Variants in JCAD observed in about 807,000 individuals in gnomAD.
JCAD encodes the protein junctional cadherin 5-associated protein.
JCAD carries 40 observed loss-of-function variants against 98.0 expected under a neutral mutation model. That is an observed-to-expected ratio of 0.41 (90% confidence interval 0.32 to 0.53). The LOEUF (loss-of-function observed/expected upper bound fraction) is 0.53, where lower values mean the gene tolerates loss of function less well. JCAD is among the 20% of genes least tolerant of loss of function. The probability of loss-of-function intolerance (pLI) is 0.31; values close to 1 mark genes in which losing one functional copy is unlikely to be tolerated. For synonymous variants in JCAD, 691 were observed against 682.3 expected (o/e 1.01, Z -0.20); for missense variants, 1,705 against 1,738.1 (o/e 0.98, Z 0.34).
In JCAD at chr10:30,029,274, G is replaced by C; in HGVS notation, c.874C>G (p.Pro292Ala). The change falls in exon 3 of 4, where the codon CCC (proline) becomes GCC (alanine). Residue 292 changes from proline (P) to alanine (A), a missense_variant. By Grantham distance (27) the Pro-to-Ala change is conservative. This residue lies in a region of JCAD where 275 missense variants were observed against 346.9 expected (regional missense o/e 0.79). Transcript: ENST00000375377. ...APFPRPKFGR[P>A]LKPPSYSSHQ... is the part of the protein sequence containing the mutation. ...GAGCTGTAAGATGGGGGCTTGAGGG[G>C]CCTCCCAAACTTAGGCCGGGGAAAT... is the stretch of plus-strand genomic sequence containing the variant. The C allele has an allele frequency of 6.2e-7, 1 of 1,614,130 alleles. No individual in the cohort carries two copies. The highest frequency in any genetic ancestry group is 8.5e-7 in the Non-Finnish European group (1 of 1,180,024).
intron 2 of JCAD, among the ~76,000 whole-genome samples, chr10:30,032,210 G>T (rs973030029): frequency 2.6e-5 from 4 of 152,150 alleles, no homozygotes; most frequent in African/African-American, 7.2e-5. Context: ...CAAATGCAGG[G>T]TGTTGTTCAC....
chr10:30,051,216 G>A (rs531250180), intron 1 of JCAD, among the ~76,000 whole-genome samples: 12 of 151,886 alleles, frequency 7.9e-5, no homozygotes, highest in Non-Finnish European at 1.6e-4. Context: ...TTATTCTCTA[G>A]GAGCAGAATG....
At position 30,082,869 on chromosome 10, in the gene JCAD, AAAAAAAAAC is replaced by A. The variant is rs1248866304; in HGVS notation, n.129-13057_129-13049del. ...TCTGTCTCAAAAAAAAAAAAAAAAA[AAAAAAAAAC>A]AAAAAATTAGCTGGGTGTGGTGGCA... On this transcript the variant is annotated intron_variant and non_coding_transcript_variant, in intron 1 of 2. Coordinates refer to the JCAD transcript ENST00000465712. Among the ~76,000 whole-genome samples the A allele has an allele frequency of 1.1e-3, 156 of 144,650 alleles. 1 individual carries two copies. The highest frequency in any genetic ancestry group is 3.6e-3 in the African/African-American group (135 of 37,434). The allele number at this position is 144,650 out of a possible 152,430, so 94.9% of individuals were successfully genotyped here.
chr10:30,102,187 G>A (rs1194441048), intron 1 of JCAD, among the ~76,000 whole-genome samples: 1 of 151,334 alleles, frequency 6.6e-6, no homozygotes, highest in East Asian at 1.9e-4. Context: ...TTCTTTTTTT[G>A]AGACAAACTC....
intron 2 of JCAD, among the ~76,000 whole-genome samples, chr10:30,039,823 G>A (rs749353175): frequency 2.0e-5 from 3 of 151,936 alleles, no homozygotes; most frequent in Non-Finnish European, 4.4e-5. Context: ...CCAGTGGAAC[G>A]CTGTCGGCAG....
rs1291903566 is a variant in JCAD at position 30,081,509 on chromosome 10, G to A, written n.129-11688C>T. Among the ~76,000 whole-genome samples, 4 of 152,172 alleles carry A rather than the reference G, an allele frequency of 2.6e-5. 1 individual carries two copies. The highest frequency in any genetic ancestry group is 6.5e-5 in the Admixed American group (1 of 15,282). On this transcript the variant is annotated intron_variant and non_coding_transcript_variant, in intron 1 of 2. Coordinates refer to the JCAD transcript ENST00000465712. The stretch of plus-strand genomic sequence containing the variant: ...TGCAGTGGCGTGATCTATGCTCACT[G>A]CAATCTCCGCCTCCCTGGTTCAAGC...
At chr10:30,075,389 T>G (rs1837964899) in intron 1 of JCAD, among the ~76,000 whole-genome samples, 1 of 152,242 alleles carries the variant, frequency 6.6e-6, no homozygotes, top group Non-Finnish European at 1.5e-5. Context: ...CTCTTCTCAT[T>G]AAACCCGTAG....
intron 2 of JCAD, among the ~76,000 whole-genome samples, chr10:30,039,818 G>A (rs1162819489): frequency 6.6e-6 from 1 of 152,008 alleles, no homozygotes; most frequent in East Asian, 1.9e-4. Context: ...GCTGTCCAGT[G>A]GAACGCTGTC....
At chr10:30,031,801 C>A (rs1278108053) in intron 2 of JCAD, among the ~76,000 whole-genome samples, 1 of 123,240 alleles carries the variant, frequency 8.1e-6, no homozygotes, top group Non-Finnish European at 1.6e-5. Context: ...GTCGCCCAGG[C>A]TGGAGTGCAG....
rs1296243430 is a variant in JCAD, at chr10:30,027,522, G to C, written c.2626C>G (p.Gln876Glu). 6.2e-7 allele frequency: 1 copy of C among 1,612,148 alleles called. No homozygotes were observed. Among genetic ancestry groups the C allele is most frequent in the Non-Finnish European group, 8.5e-7 (1 of 1,180,050 alleles). ...TTTCCGCGGAAGCCCACATCCTCCT[G>C]TCTGCAGTGAGCACGGTTCTCCTGC... Reference protein sequence around the residue: ...PQQENRAHCRQEDVGFRGNSP... With the variant: ...PQQENRAHCREEDVGFRGNSP... The change falls in exon 3 of 4, where the codon CAG becomes GAG. Residue 876 changes from glutamine to glutamate, a missense_variant. Gln to Glu is a conservative substitution (Grantham distance 29). This residue lies in a region of JCAD where 1,278 missense variants were observed against 1,243.1 expected (regional missense o/e 1.03). Transcript: ENST00000375377.
At chr10:30,051,812 G>A (rs975219090) in intron 1 of JCAD, among the ~76,000 whole-genome samples, 3 of 152,170 alleles carry the variant, frequency 2.0e-5, no homozygotes, top group Non-Finnish European at 2.9e-5. Flanking sequence ...AATAATAAGA[G>A]TAATTTTCAG....
At position 30,059,285 on chromosome 10, in the gene JCAD, C is replaced by A. The variant is rs1304691963; in HGVS notation, c.-60+197G>T. Among the ~76,000 whole-genome samples, 4 of 151,218 alleles carry A rather than the reference C, an allele frequency of 2.6e-5. No homozygotes were observed. Among genetic ancestry groups the A allele is most frequent in the African/African-American group, 7.3e-5 (3 of 41,296 alleles). ...TCCACCCCGAGGCTGCCGGGCTAGG[C>A]ACCGCGCGGGGGGCCCAGGCGGGGC... is the stretch of plus-strand genomic sequence containing the variant. On this transcript the variant is annotated intron_variant, in intron 1 of 3. Coordinates refer to ENST00000375377, the MANE Select transcript of JCAD (RefSeq NM_020848.4). The surrounding 1 kb of genome is among the most constrained non-coding windows in gnomAD (Gnocchi z 5.0).
chr10:30,019,748 TA>T (rs1427340720), intron 3 of JCAD, among the ~76,000 whole-genome samples: 2 of 152,104 alleles, frequency 1.3e-5, no homozygotes, highest in African/African-American at 4.8e-5. Context: ...AATTTGCTGA[TA>T]GAGTACATCT....
At chr10:30,038,508 AC>A (rs1255946477) in intron 2 of JCAD, among the ~76,000 whole-genome samples, 2 of 151,656 alleles carry the variant, frequency 1.3e-5, no homozygotes, top group Admixed American at 1.3e-4. Context: ...ACATAAGGAG[AC>A]CTAGTCTCCA....
chr10:30,021,409 A>C (rs1214927996), intron 3 of JCAD, among the ~76,000 whole-genome samples: 3 of 152,244 alleles, frequency 2.0e-5, no homozygotes, highest in Admixed American at 2.0e-4. Flanking sequence ...TATGTTGCCC[A>C]GGCTGGTTTT....
At chr10:30,030,485 A>T (rs1836969753) in intron 2 of JCAD, among the ~76,000 whole-genome samples, 1 of 152,194 alleles carries the variant, frequency 6.6e-6, no homozygotes, top group Non-Finnish European at 1.5e-5. Flanking sequence ...ACTGTTCAGT[A>T]GTATTTCTCA....
intron 1 of JCAD, among the ~76,000 whole-genome samples, chr10:30,084,967 C>T (rs1306182045): frequency 2.6e-5 from 4 of 152,216 alleles, no homozygotes; most frequent in South Asian, 2.1e-4. Context: ...CGTAGTCACT[C>T]GATCTAAGTT....
intron 1 of JCAD, among the ~76,000 whole-genome samples, chr10:30,053,222 TG>T (rs1027997782): frequency 1.3e-4 from 19 of 148,540 alleles, no homozygotes; most frequent in Non-Finnish European, 2.7e-4. Flanking sequence ...TGGTGGGGGG[TG>T]GGGGGTGCAG....
At chr10:30,083,180 A>T (rs1039715393) in intron 1 of JCAD, among the ~76,000 whole-genome samples, 4 of 152,072 alleles carry the variant, frequency 2.6e-5, no homozygotes, top group Admixed American at 1.3e-4. Flanking sequence ...TAACCATGAG[A>T]AGAAGGAAAA....
Sources: gnomAD v4.1 joint callset for allele counts (sites outside exome capture counted in the v4.1 genomes callset) on GRCh38, gnomAD v4.1.1 for gene constraint, gnomAD v4.1.1 regional missense constraint, Gnocchi (gnomAD v3.1) non-coding constraint, MANE v1.5 for transcripts, NCBI Gene and HGNC (gene_info 2026-07-23, HGNC 2026-07-21) for gene names.